CUBN: variants seen among roughly 807,000 people sequenced by gnomAD.
CUBN encodes the protein 460 kDa receptor.
A neutral mutation model predicts 405.3 loss-of-function variants in CUBN; 282 were observed. The ratio of observed to expected loss-of-function variants is 0.70; its 90% CI spans 0.63 to 0.77. The LOEUF (loss-of-function observed/expected upper bound fraction) is 0.77, where lower values mean the gene tolerates loss of function less well. CUBN is among the 30% of genes least tolerant of loss of function. The pLI is 0.00. For synonymous variants in CUBN, 1,684 were observed against 1,617.0 expected, an observed-to-expected ratio of 1.04 and a Z score of -0.99; for missense variants, 4,514 against 4,475.2, an observed-to-expected ratio of 1.01 and a Z score of -0.25.
At chr10:16,884,031 G>A (rs1489786466) in intron 56 of CUBN, among the ~76,000 whole-genome samples, 9 of 152,116 alleles carry the variant, frequency 5.9e-5, no homozygotes, top group Admixed American at 5.2e-4. Context: ...CCAGGCTGGA[G>A]GGCAGTAGCG....
chr10:17,117,947 T>G (rs1385991148), intron 6 of CUBN, among the ~76,000 whole-genome samples: 1 of 152,190 alleles, frequency 6.6e-6, no homozygotes, highest in African/African-American at 2.4e-5. Context: ...TCTACAGGCA[T>G]TCCCCTGTAG....
chr10:16,875,611 T>A (rs990192789), intron 57 of CUBN, among the ~76,000 whole-genome samples: 1 of 152,186 alleles, frequency 6.6e-6, no homozygotes, highest in African/African-American at 2.4e-5. Context: ...TAAAAGTGAA[T>A]TACATGTCAG....
At chr10:16,833,487 C>T (rs1839070897) in intron 64 of CUBN, among the ~76,000 whole-genome samples, 1 of 152,050 alleles carries the variant, frequency 6.6e-6, no homozygotes, top group Non-Finnish European at 1.5e-5. Context: ...GGAGAGCTTT[C>T]CAGGATGATA....
chr10:16,907,789 C>CA, intron 48 of CUBN, 110 bp from the exon 49 acceptor site: 2 of 1,084,066 alleles, frequency 1.8e-6, no homozygotes, highest in Non-Finnish European at 1.4e-6. Context: ...AACCCTGCCC[C>CA]AAAATGAATG....
At chr10:16,852,741 G>A (rs1342737500) in intron 59 of CUBN, among the ~76,000 whole-genome samples, 3 of 152,170 alleles carry the variant, frequency 2.0e-5, no homozygotes, top group Admixed American at 6.5e-5. Context: ...TGGAAAATGT[G>A]CATATGTTTT....
chr10:16,828,175 A>T (rs74830550), intron 66 of CUBN, among the ~76,000 whole-genome samples: 2 of 145,080 alleles, frequency 1.4e-5, no homozygotes, highest in East Asian at 2.1e-4. Context: ...GCTTTTTTTT[A>T]AAAAAACAGC....
intron 28 of CUBN, among the ~76,000 whole-genome samples, chr10:16,995,745 G>T (rs999073761): frequency 6.6e-6 from 1 of 151,984 alleles, no homozygotes; most frequent in Non-Finnish European, 1.5e-5. Flanking sequence ...GTAAGAAATT[G>T]GTTTTTCATT....
intron 30 of CUBN, 23 bp downstream of exon 30, chr10:16,984,082 G>A (rs182169449): frequency 1.1e-4 from 180 of 1,613,884 alleles, no homozygotes; most frequent in Admixed American, 7.8e-4. Context: ...AAGTACTTTA[G>A]GAAACCTCCT....
At chr10:16,950,774 A>C (rs74833951) in intron 33 of CUBN, among the ~76,000 whole-genome samples, 1,826 of 152,300 alleles carry the variant, frequency 0.012, 19 homozygotes, top group Non-Finnish European at 0.019. Context: ...ACTATAAGGG[A>C]ATATCTTGTT....
intron 1 of CUBN, 110 bp from the exon 2 acceptor site, chr10:17,129,360 T>C (rs1837268895): frequency 5.4e-6 from 7 of 1,298,286 alleles, no homozygotes; most frequent in Non-Finnish European, 7.7e-6. Flanking sequence ...TCTTCACTTT[T>C]TGATCATCTC....
intron 28 of CUBN, among the ~76,000 whole-genome samples, chr10:17,008,799 G>C (rs187362068): frequency 2.0e-5 from 3 of 152,186 alleles, no homozygotes; most frequent in African/African-American, 7.2e-5. Context: ...CGTGATGTCT[G>C]CTTCTCCCAC....
At chr10:17,064,205 A>G (rs548484112) in intron 22 of CUBN, among the ~76,000 whole-genome samples, 31 of 152,314 alleles carry the variant, frequency 2.0e-4, no homozygotes, top group Non-Finnish European at 4.1e-4. Flanking sequence ...GTATTGATTG[A>G]TTCTCTCACA....
intron 31 of CUBN, among the ~76,000 whole-genome samples, chr10:16,955,828 G>A (rs10904851): frequency 0.25 from 38,115 of 152,018 alleles, 5,515 homozygotes; most frequent in Non-Finnish European, 0.33. Flanking sequence ...AGCAGGTCAC[G>A]TTGAATCAGA....
chr10:17,042,540 G>GA (rs1399277597), intron 26 of CUBN, among the ~76,000 whole-genome samples: 2 of 151,248 alleles, frequency 1.3e-5, no homozygotes, highest in African/African-American at 2.4e-5. Context: ...GAAATGAAAA[G>GA]AAAAAAAAGA....
chr10:17,084,810 T>C (rs1030197440), intron 16 of CUBN, among the ~76,000 whole-genome samples: 3 of 152,148 alleles, frequency 2.0e-5, no homozygotes, highest in African/African-American at 7.2e-5. Context: ...CATAACTGTA[T>C]ACATGAAGCA....
At chr10:17,116,564 C>T (rs776291712) in intron 6 of CUBN, among the ~76,000 whole-genome samples, 3 of 152,204 alleles carry the variant, frequency 2.0e-5, no homozygotes, top group Non-Finnish European at 4.4e-5. Context: ...GCCTGCGTGG[C>T]CAGGCCTCCC....
At chr10:17,129,362 G>T in intron 1 of CUBN, 112 bp from the exon 2 acceptor site, 1 of 1,282,698 alleles carries the variant, frequency 7.8e-7, no homozygotes, top group Non-Finnish European at 1.1e-6. Context: ...TTCACTTTTT[G>T]ATCATCTCAA....
intron 3 of CUBN, 93 bp from the exon 4 acceptor site, chr10:17,126,892 G>A (rs1837204358): frequency 4.8e-6 from 6 of 1,252,992 alleles, no homozygotes; most frequent in Admixed American, 1.7e-5. Flanking sequence ...AATGCCCTCT[G>A]CTAGGGACAC....
At chr10:16,988,374 A>C (rs751352846) in intron 29 of CUBN, among the ~76,000 whole-genome samples, 13 of 152,122 alleles carry the variant, frequency 8.5e-5, no homozygotes, top group Non-Finnish European at 1.5e-4. Context: ...GTGAGTGTGA[A>C]TTTCAGGAGG....
Sources: gnomAD v4.1 joint callset for allele counts (sites outside exome capture counted in the v4.1 genomes callset) on GRCh38, gnomAD v4.1.1 for gene constraint, MANE v1.5 for transcripts, NCBI Gene and HGNC (gene_info 2026-07-23, HGNC 2026-07-21) for gene names.